The following ABCB11 variants were observed in gnomAD, a reference collection of about 807,000 sequenced individuals.
ABCB11 encodes the protein bile salt export pump.
ABCB11 carries 95 observed loss-of-function variants against 148.0 expected under a neutral mutation model. The observed-to-expected ratio is 0.64, with a 90% CI of 0.54 to 0.76. The LOEUF (loss-of-function observed/expected upper bound fraction) is 0.76. Ranked by LOEUF, ABCB11 falls within the 30% of genes least tolerant of loss-of-function variation. The probability of loss-of-function intolerance (pLI) is 0.00; values close to 1 mark genes in which losing one functional copy is unlikely to be tolerated. For missense variants in ABCB11, 1,523 were observed against 1,617.8 expected, an observed-to-expected ratio of 0.94 and a Z score of 1.01; for synonymous variants, 591 against 555.4, an observed-to-expected ratio of 1.06 and a Z score of -0.90.
chr2:168,974,349 C>T (rs377133377), intron 12 of ABCB11, among the ~76,000 whole-genome samples: 3 of 151,932 alleles, frequency 2.0e-5, no homozygotes, highest in African/African-American at 4.8e-5. Flanking sequence ...TAAATATACA[C>T]GGTGTGTTTG....
intron 1 of ABCB11, 91 bp from the exon 2 acceptor site, chr2:169,018,243 G>T (rs1695424262): frequency 7.6e-6 from 9 of 1,190,476 alleles, no homozygotes; most frequent in African/African-American, 1.5e-5. Context: ...TTTGGTTCAA[G>T]AAATAATCTT....
chr2:168,959,295 C>T (rs1178948495), intron 18 of ABCB11, among the ~76,000 whole-genome samples: 1 of 151,706 alleles, frequency 6.6e-6, no homozygotes, highest in Non-Finnish European at 1.5e-5. Context: ...CATTACTGCT[C>T]ACTCATGCAG....
At chr2:169,003,349 C>CATATATAT (rs772569568) in intron 5 of ABCB11, among the ~76,000 whole-genome samples, 1 of 119,670 alleles carries the variant, frequency 8.4e-6, no homozygotes, top group Non-Finnish European at 1.8e-5. Flanking sequence ...TGTGTGTGTG[C>CATATATAT]ATATATATAT....
At chr2:168,955,461 C>T (rs985418170) in intron 19 of ABCB11, among the ~76,000 whole-genome samples, 12 of 151,464 alleles carry the variant, frequency 7.9e-5, no homozygotes, top group Admixed American at 1.3e-4. Context: ...AAGGGGGAAG[C>T]GCTACACACT....
chr2:169,030,025 C>T (rs991852436), intron 1 of ABCB11, among the ~76,000 whole-genome samples: 1 of 121,510 alleles, frequency 8.2e-6, no homozygotes, highest in Non-Finnish European at 1.8e-5. Context: ...CAGGCGTGAG[C>T]CACCGCGCCC....
chr2:169,014,195 A>T lies in ABCB11; in HGVS notation c.150+108T>A. Reference sequence around the variant, plus strand: ...AAAGCCTATGACTGAAAAAGTGATCACTGAAGTTAAAAACCTGCCAATATG... The same window carrying T: ...AAAGCCTATGACTGAAAAAGTGATCTCTGAAGTTAAAAACCTGCCAATATG... On this transcript the variant is annotated intron_variant, in intron 4 of 27. Transcript: ENST00000650372. 4 of 1,068,172 alleles carry T rather than the reference A, an allele frequency of 3.7e-6. No individual in the cohort carries two copies. In the South Asian group the frequency reaches 5.1e-5, roughly 14 times the overall value. 66.2% of individuals were successfully genotyped at this position (1,068,172 alleles called of 1,614,324 possible).
At chr2:169,026,009 T>C (rs1695683050) in intron 1 of ABCB11, among the ~76,000 whole-genome samples, 1 of 152,254 alleles carries the variant, frequency 6.6e-6, no homozygotes, top group African/African-American at 2.4e-5. Flanking sequence ...ATGTTATGAC[T>C]AGATAAAGAA....
At chr2:168,981,422 C>T (rs1694133791) in intron 10 of ABCB11, among the ~76,000 whole-genome samples, 2 of 152,068 alleles carry the variant, frequency 1.3e-5, no homozygotes, top group Non-Finnish European at 1.5e-5. Context: ...CTTTCAAGCC[C>T]CCATTTCTTC....
At chr2:168,951,550 G>C (rs1047880463) in intron 19 of ABCB11, among the ~76,000 whole-genome samples, 12 of 151,362 alleles carry the variant, frequency 7.9e-5, no homozygotes, top group Admixed American at 5.9e-4. Context: ...CCCTCAACTA[G>C]ATCAATATTG....
At chr2:169,013,971 C>T (rs1030666858) in intron 4 of ABCB11, among the ~76,000 whole-genome samples, 2 of 152,074 alleles carry the variant, frequency 1.3e-5, no homozygotes, top group East Asian at 3.9e-4. Flanking sequence ...GGAGTAAACA[C>T]CTATACTTTA....
chr2:169,012,500 T>A (rs1695216340), intron 5 of ABCB11, among the ~76,000 whole-genome samples: 1 of 152,066 alleles, frequency 6.6e-6, no homozygotes, highest in African/African-American at 2.4e-5. Flanking sequence ...ATCTCAGCAC[T>A]TTGGGAGGCT....
chr2:168,932,765 G>A lies in ABCB11; in HGVS notation c.3057-232C>T, dbSNP rs115155879. On this transcript the variant is annotated intron_variant, in intron 23 of 27. Coordinates refer to ENST00000650372, the MANE Select transcript of ABCB11 (RefSeq NM_003742.4). ...AGAAGAGGACTGAACAAGCATGAAG[G>A]GGGGAGAGCTCAGACCTCCAAACCT... Among the ~76,000 whole-genome samples the A allele has an allele frequency of 3.9e-3, 600 of 152,242 alleles. 3 individuals are homozygous for A. Among genetic ancestry groups the A allele is most frequent in the African/African-American group, 0.012 (503 of 41,518 alleles).
chr2:168,964,326 G>T lies in ABCB11; in HGVS notation c.2076-18C>A, dbSNP rs1358877762. 6.5e-7 allele frequency: 1 copy of T among 1,544,280 alleles called. No individual in the cohort carries two copies. Among genetic ancestry groups the T allele is most frequent in the Non-Finnish European group, 8.8e-7 (1 of 1,139,324 alleles). On this transcript the variant is annotated intron_variant, in intron 17 of 27. Coordinates refer to ENST00000650372, the MANE Select transcript of ABCB11 (RefSeq NM_003742.4). Reference sequence around the variant, plus strand: ...TGGAAGCCCTGTAAATAAACAGAAAGATGAAACAGTGTAGACTGTGGCCAG... The same window carrying T: ...TGGAAGCCCTGTAAATAAACAGAAATATGAAACAGTGTAGACTGTGGCCAG...
intron 11 of ABCB11, among the ~76,000 whole-genome samples, chr2:168,979,621 G>A (rs1268727658): frequency 7.1e-6 from 1 of 140,146 alleles, no homozygotes; most frequent in African/African-American, 2.7e-5. Flanking sequence ...GCAGTGAGCC[G>A]AGATTGTGCC....
At chr2:168,973,916 T>A in intron 12 of ABCB11, 76 bp from the exon 13 acceptor site, 1 of 1,529,950 alleles carries the variant, frequency 6.5e-7, no homozygotes, top group Non-Finnish European at 8.9e-7. Flanking sequence ...CAGGTGCAGA[T>A]GCTTTGTGTT....
downstream of ABCB11, among the ~76,000 whole-genome samples, chr2:168,917,329 A>G (rs192750178): frequency 7.9e-4 from 121 of 152,330 alleles, no homozygotes; most frequent in Middle Eastern, 0.01. Flanking sequence ...TTTCAAAATA[A>G]GTTGGAAGAT....
intron 5 of ABCB11, among the ~76,000 whole-genome samples, chr2:169,000,726 AT>A (rs1198386561): frequency 9.9e-5 from 15 of 152,186 alleles, no homozygotes; most frequent in Admixed American, 4.6e-4. Context: ...TCACTTTATT[AT>A]TCTTTTTCAA....
intron 8 of ABCB11, 147 bp downstream of exon 8, chr2:168,993,564 C>T: frequency 1.5e-6 from 1 of 686,516 alleles, no homozygotes; most frequent in Non-Finnish European, 2.4e-6. Context: ...TGTCATTTGA[C>T]ACTGGGGAGT....
At chr2:168,966,359 C>G (rs1417343115) in intron 17 of ABCB11, among the ~76,000 whole-genome samples, 1 of 151,814 alleles carries the variant, frequency 6.6e-6, no homozygotes, top group Non-Finnish European at 1.5e-5. Context: ...CCTTGGATAT[C>G]TACTTTATAT....
Sources: gnomAD v4.1 joint callset for allele counts (sites outside exome capture counted in the v4.1 genomes callset) on GRCh38, gnomAD v4.1.1 for gene constraint, MANE v1.5 for transcripts, NCBI Gene and HGNC (gene_info 2026-07-23, HGNC 2026-07-21) for gene names.